F10: variants seen among roughly 807,000 people sequenced by gnomAD.
F10 encodes the protein Stuart-Prower factor.
A neutral mutation model predicts 37.1 loss-of-function variants in F10; 29 were observed. The observed-to-expected ratio is 0.78, with a 90% CI of 0.58 to 1.07. F10 has a LOEUF of 1.07. Among genes scored for constraint, F10 ranks in the 50% least tolerant of loss-of-function variants. F10 has a pLI of 0.00. For missense variants in F10, 539 were observed against 667.9 expected (o/e 0.81, Z 2.13); for synonymous variants, 262 against 268.6 (o/e 0.98, Z 0.24).
rs775743972 is a variant in F10, at chr13:113,147,516, C to T, written c.865+20C>T. ...GGGTAGGTAAGTGACCAACAGCCCC[C>T]AGGGCCGTGGTGAGGGGCACCGTCA... On this transcript the variant is annotated intron_variant, in intron 7 of 7. Transcript: ENST00000375559. 54 of 1,516,134 alleles carry T rather than the reference C, an allele frequency of 3.6e-5. No homozygotes were observed. Among genetic ancestry groups the T allele is most frequent in the Admixed American group, 1.8e-4 (11 of 59,908 alleles). The allele number at this position is 1,516,134 out of a possible 1,614,324, so 93.9% of individuals were successfully genotyped here.
At chr13:113,147,852 T>C (rs1448784975) in intron 7 of F10, among the ~76,000 whole-genome samples, 1 of 152,122 alleles carries the variant, frequency 6.6e-6, no homozygotes, top group Non-Finnish European at 1.5e-5. Flanking sequence ...CTCTTTAACA[T>C]ACTCTGAACA....
At chr13:113,123,686 C>T (rs2036342632) in intron 1 of F10, among the ~76,000 whole-genome samples, 2 of 152,106 alleles carry the variant, frequency 1.3e-5, no homozygotes, top group African/African-American at 4.8e-5. Flanking sequence ...GGGAGACCCT[C>T]GTGGGGTGGA....
intron 2 of F10, among the ~76,000 whole-genome samples, chr13:113,132,667 A>G (rs528087376): frequency 6.6e-6 from 1 of 152,374 alleles, no homozygotes; most frequent in African/African-American, 2.4e-5. Context: ...GTATTGCAGA[A>G]TAAGACTACA....
chr13:113,145,168 A>C (rs1473096691), intron 6 of F10, among the ~76,000 whole-genome samples: 3 of 152,018 alleles, frequency 2.0e-5, no homozygotes, highest in East Asian at 1.9e-4. Flanking sequence ...GCGTGAGACA[A>C]TGTGCCCGGC....
At position 113,144,968 on chromosome 13, in the gene F10, TCC is replaced by T. The variant is rs2036567652; in HGVS notation, c.747+875_747+876del. On this transcript the variant is annotated intron_variant, in intron 6 of 7. Coordinates refer to ENST00000375559, the MANE Select transcript of F10 (RefSeq NM_000504.4). The surrounding 1 kb of genome is among the most constrained non-coding windows in gnomAD (Gnocchi z 6.4). ...ATCTCGGCTCACTGCAACCTCCACCTCCCAGGTTCATGTCATTCTCCTGCTTC... is the reference window on the plus strand; with the variant it reads ...ATCTCGGCTCACTGCAACCTCCACCTCAGGTTCATGTCATTCTCCTGCTTC... Among the ~76,000 whole-genome samples the T allele has an allele frequency of 6.6e-6, 1 of 151,822 alleles. No homozygotes were observed. Among genetic ancestry groups the T allele is most frequent in the East Asian group, 1.9e-4 (1 of 5,164 alleles).
intron 7 of F10, among the ~76,000 whole-genome samples, chr13:113,148,117 G>A (rs1020166060): frequency 3.3e-5 from 5 of 151,848 alleles, no homozygotes; most frequent in East Asian, 1.9e-4. Context: ...ATCACCTGAG[G>A]TCAGGAGTTT....
chr13:113,132,226 ACTT>A (rs1479362646), intron 2 of F10, among the ~76,000 whole-genome samples: 1 of 152,226 alleles, frequency 6.6e-6, no homozygotes, highest in Non-Finnish European at 1.5e-5. Flanking sequence ...ATTTTCAAAT[ACTT>A]CTTATATATA....
At position 113,148,908 on chromosome 13, in the gene F10, T is replaced by C. The variant is rs1451960554; in HGVS notation, c.866-8T>C. 3.1e-6 allele frequency: 5 copies of C among 1,612,352 alleles called. No individual in the cohort carries two copies. The highest frequency in any genetic ancestry group is 4.2e-6 in the Non-Finnish European group (5 of 1,179,126). Reference sequence around the variant, plus strand: ...TGAGCTGAGCACAGTCCCACTCGTCTGTCCCAGGGGACCGGAACACGGAGC... The same window carrying C: ...TGAGCTGAGCACAGTCCCACTCGTCCGTCCCAGGGGACCGGAACACGGAGC... On this transcript the variant is annotated splice_region_variant and splice_polypyrimidine_tract_variant and intron_variant, in intron 7 of 7. Transcript: ENST00000375559.
Position 113,143,306 on chromosome 13 carries a change from A to G in F10, c.503-545A>G, listed in dbSNP as rs1285010880. On this transcript the variant is annotated intron_variant, in intron 5 of 7. Coordinates refer to ENST00000375559, the MANE Select transcript of F10 (RefSeq NM_000504.4). This position sits in a 1 kb window ranked among gnomAD's most constrained non-coding sequence, Gnocchi z 6.8. ...GCGTGGCCTCTCTGGGAGCTGTGCTATTCCAGACGCTCTCCTGTGCCTCCA... is the reference window on the plus strand; with the variant it reads ...GCGTGGCCTCTCTGGGAGCTGTGCTGTTCCAGACGCTCTCCTGTGCCTCCA... Among the ~76,000 whole-genome samples the G allele has an allele frequency of 2.0e-5, 3 of 152,084 alleles. 1 individual carries two copies. Among genetic ancestry groups the G allele is most frequent in the Middle Eastern group, 3.2e-3 (1 of 316 alleles).
At chr13:113,123,649 G>T (rs1400156262) in intron 1 of F10, among the ~76,000 whole-genome samples, 1 of 152,220 alleles carries the variant, frequency 6.6e-6, no homozygotes, top group Non-Finnish European at 1.5e-5. Context: ...CCTGGGAAGG[G>T]AATGTGTGAG....
At chr13:113,135,208 A>G (rs886178398) in intron 2 of F10, among the ~76,000 whole-genome samples, 3 of 151,398 alleles carry the variant, frequency 2.0e-5, no homozygotes, top group Admixed American at 6.6e-5. Flanking sequence ...AAGCCATTGC[A>G]CTCCAGCCTG....
At position 113,139,548 on chromosome 13, in the gene F10, C is replaced by T. The variant is rs1052246106; in HGVS notation, c.370+78C>T. Reference sequence around the variant, plus strand: ...AGGTGGGCGGGGGAAGAAGTGAAAACGCCTAATGAAACAATCTTAAGTCAT... The same window carrying T: ...AGGTGGGCGGGGGAAGAAGTGAAAATGCCTAATGAAACAATCTTAAGTCAT... On this transcript the variant is annotated intron_variant, in intron 4 of 7. Coordinates refer to ENST00000375559, the MANE Select transcript of F10 (RefSeq NM_000504.4). This position sits in a 1 kb window ranked among gnomAD's most constrained non-coding sequence, Gnocchi z 5.2. 3.6e-5 allele frequency: 39 copies of T among 1,069,144 alleles called. No homozygotes were observed. The highest frequency in any genetic ancestry group is 2.7e-4 in the East Asian group (11 of 40,396). 66.2% of individuals were successfully genotyped at this position (1,069,144 alleles called of 1,614,324 possible).
In F10 at chr13:113,143,704, G is replaced by GTATT; in HGVS notation, c.503-147_503-146insTATT. 3.4e-6 allele frequency: 4 copies of GTATT among 1,188,316 alleles called. No homozygotes were observed. The highest frequency in any genetic ancestry group is 4.8e-5 in the Admixed American group (2 of 41,804). The allele number at this position is 1,188,316 out of a possible 1,614,324, so 73.6% of individuals were successfully genotyped here. ...AGATCCGACCCCTGCCGACGACGTG[G>GTATT]GGCCTCGCCCTGCAAGCCCGCTGCC... On this transcript the variant is annotated intron_variant, in intron 5 of 7. Coordinates refer to ENST00000375559, the MANE Select transcript of F10 (RefSeq NM_000504.4). The surrounding 1 kb of genome is among the most constrained non-coding windows in gnomAD (Gnocchi z 6.8).
intron 1 of F10, among the ~76,000 whole-genome samples, chr13:113,129,087 G>A (rs1047230000): frequency 1.3e-5 from 2 of 152,126 alleles, no homozygotes; most frequent in African/African-American, 4.8e-5. Context: ...CTATACTAGA[G>A]AAGTCAGGTT....
At chr13:113,123,866 C>T (rs557533639) in intron 1 of F10, among the ~76,000 whole-genome samples, 1 of 152,114 alleles carries the variant, frequency 6.6e-6, no homozygotes, top group Admixed American at 6.5e-5. Context: ...ATCTTCCTGT[C>T]TCCCACGCGG....
rs763563672 is a variant in F10, at chr13:113,139,488, G to T, written c.370+18G>T. 6.9e-6 allele frequency: 11 copies of T among 1,594,856 alleles called. No individual in the cohort carries two copies. The South Asian group carries it at 1.1e-4, about 16-fold the overall frequency. On this transcript the variant is annotated intron_variant, in intron 4 of 7. Coordinates refer to ENST00000375559, the MANE Select transcript of F10 (RefSeq NM_000504.4). This position sits in a 1 kb window ranked among gnomAD's most constrained non-coding sequence, Gnocchi z 5.2. ...TGAATTATGTAGGTTCCTCTGCTTG[G>T]TATACCTTCAGATCAGATGCCCCTG...
Position 113,146,399 on chromosome 13 carries a change from C to T in F10, c.748-980C>T, listed in dbSNP as rs575978485. ...GAGGAGCTGGACTTGGAGCTGCAGG[C>T]GGGGTTTTGGAGGGGTTCCTGGGCT... On this transcript the variant is annotated intron_variant, in intron 6 of 7. Transcript: ENST00000375559. The surrounding 1 kb of genome is among the most constrained non-coding windows in gnomAD (Gnocchi z 4.5). Among the ~76,000 whole-genome samples, 9 of 151,982 alleles carry T rather than the reference C, an allele frequency of 5.9e-5. No homozygotes were observed. Among genetic ancestry groups the T allele is most frequent in the East Asian group, 1.9e-4 (1 of 5,134 alleles).
At chr13:113,124,365 C>T (rs1168697486) in intron 1 of F10, among the ~76,000 whole-genome samples, 5 of 152,248 alleles carry the variant, frequency 3.3e-5, no homozygotes, top group Non-Finnish European at 7.3e-5. Flanking sequence ...TGCAGGCGCC[C>T]ACCTCGCGGA....
chr13:113,142,556 C>CAAAAAA (rs5806973), intron 5 of F10, among the ~76,000 whole-genome samples: 1 of 61,376 alleles, frequency 1.6e-5, no homozygotes, highest in African/African-American at 5.7e-5. Flanking sequence ...GACTCTGTCT[C>CAAAAAA]AAAAAAAAAA....
Sources: allele counts gnomAD v4.1 joint callset (sites outside exome capture counted in the v4.1 genomes callset), GRCh38; gene constraint gnomAD v4.1.1; non-coding constraint Gnocchi (gnomAD v3.1); transcripts MANE v1.5; gene names NCBI Gene and HGNC (gene_info 2026-07-23, HGNC 2026-07-21).